Variants in SPATA22 observed in about 807,000 individuals in gnomAD.
The protein encoded by SPATA22 is spermatogenesis associated 22.
Under a neutral mutation model 47.8 loss-of-function variants are expected in SPATA22, and 29 were observed. That is an observed-to-expected ratio of 0.61 (90% confidence interval 0.45 to 0.83). The LOEUF is 0.83. SPATA22 is among the 40% of genes least tolerant of loss of function. The pLI, the probability that SPATA22 is intolerant of heterozygous loss-of-function variation, is 0.00. For synonymous variants in SPATA22, 133 were observed against 140.9 expected (o/e 0.94, Z 0.40); for missense variants, 410 against 421.7 (o/e 0.97, Z 0.24).
At chr17:3,495,275 C>T (rs764835808) in intron 1 of SPATA22, among the ~76,000 whole-genome samples, 2 of 152,134 alleles carry the variant, frequency 1.3e-5, no homozygotes, top group African/African-American at 2.4e-5. Flanking sequence ...CTTTCAACCC[C>T]GACTAACCTT....
In SPATA22 at chr17:3,490,280, C is replaced by G. The variant is rs1391162101; in HGVS notation, c.-73-20882G>C. Among the ~76,000 whole-genome samples the G allele has an allele frequency of 2.0e-5, 3 of 152,072 alleles. No homozygotes were observed. Among genetic ancestry groups the G allele is most frequent in the Admixed American group, 6.6e-5 (1 of 15,260 alleles). The stretch of plus-strand genomic sequence containing the variant: ...AATTAATTAAACGGGGACTGGTGGA[C>G]AAGGTGGGTATATGCAGCTCTATGC... On this transcript the variant is annotated intron_variant, in intron 1 of 8. Coordinates refer to the SPATA22 transcript ENST00000541913. This position sits in a 1 kb window ranked among gnomAD's most constrained non-coding sequence, Gnocchi z 4.6.
chr17:3,491,960 C>T, intron 1 of SPATA22, among the ~76,000 whole-genome samples: 1 of 146,690 alleles, frequency 6.8e-6, no homozygotes. Flanking sequence ...TCAATGGAGC[C>T]TCAAGTTCCT....
At chr17:3,447,334 C>T (rs927615588) in intron 6 of SPATA22, among the ~76,000 whole-genome samples, 16 of 151,990 alleles carry the variant, frequency 1.1e-4, no homozygotes, top group African/African-American at 3.4e-4. Flanking sequence ...GGCAAGGGGA[C>T]GCTTTCCTTT....
chr17:3,456,998 AC>A (rs1297199672), intron 5 of SPATA22, among the ~76,000 whole-genome samples: 4 of 151,854 alleles, frequency 2.6e-5, no homozygotes, highest in South Asian at 2.1e-4. Context: ...AAATTCAACA[AC>A]CCTTCATGCT....
rs745742726 is a variant in SPATA22, at chr17:3,481,621, T to G, written c.-73-12223A>C. The G allele has an allele frequency of 1.1e-5, 17 of 1,613,710 alleles. No individual in the cohort carries two copies. In the South Asian group the frequency reaches 1.9e-4, roughly 18 times the overall value. ...ATAACAGCAAAAAAATGTCAGAAGATTTGCCATATGAAGTGAGAAGGGCTC... is the reference window on the plus strand; with the variant it reads ...ATAACAGCAAAAAAATGTCAGAAGAGTTGCCATATGAAGTGAGAAGGGCTC... On this transcript the variant is annotated intron_variant, in intron 1 of 8. Coordinates refer to the SPATA22 transcript ENST00000541913.
intron 5 of SPATA22, among the ~76,000 whole-genome samples, chr17:3,449,995 G>C (rs996172): frequency 0.23 from 35,591 of 152,008 alleles, 4,444 homozygotes; most frequent in East Asian, 0.42. Context: ...TGGAACTACA[G>C]GTGAGTGCCA....
chr17:3,487,693 T>C (rs2073750373), intron 1 of SPATA22, among the ~76,000 whole-genome samples: 1 of 152,212 alleles, frequency 6.6e-6, no homozygotes, highest in South Asian at 2.1e-4. Context: ...ATTCCTTCAT[T>C]CTTAAATCAT....
rs547742645 is a variant in SPATA22 at position 3,476,830 on chromosome 17, G to A, written c.-73-7432C>T. 5.9e-5 allele frequency among the ~76,000 whole-genome samples: 9 copies of A among 152,292 alleles called. No individual in the cohort carries two copies. In the South Asian group the frequency reaches 1.9e-3, roughly 32 times the overall value. The stretch of plus-strand genomic sequence containing the variant: ...GCTTACGGTAATGCATAAAGTTCTA[G>A]TTCAAAAAATGTAATGTTTCAAGTA... On this transcript the variant is annotated intron_variant, in intron 1 of 8. Coordinates refer to the SPATA22 transcript ENST00000541913.
rs759738645 is a variant in SPATA22, at chr17:3,446,543, G to C, written c.731C>G (p.Ser244Cys). The change falls in exon 7 of 9, where the codon TCT becomes TGT. Residue 244 changes from serine to cysteine, a missense_variant. Coordinates refer to ENST00000572969, the MANE Select transcript of SPATA22 (RefSeq NM_001170698.2). ...ATACTTCATGCTTTCAATAACTGCA[G>C]AAATAATTCTTAAAGAACTAGCTTT... is the stretch of plus-strand genomic sequence containing the variant. Reference protein sequence around the residue: ...KEKASSLRIISAVIESMKYWR... With the variant: ...KEKASSLRIICAVIESMKYWR... 6.2e-7 allele frequency: 1 copy of C among 1,606,752 alleles called. No individual in the cohort carries two copies. The highest frequency in any genetic ancestry group is 1.1e-5 in the South Asian group (1 of 89,758).
intron 3 of SPATA22, 65 bp from the exon 4 acceptor site, chr17:3,462,832 A>G (rs2073159443): frequency 1.6e-6 from 2 of 1,260,846 alleles, no homozygotes; most frequent in Non-Finnish European, 2.3e-6. Flanking sequence ...TGATAAATTC[A>G]TACTTATTTA....
intron 1 of SPATA22, among the ~76,000 whole-genome samples, chr17:3,495,424 T>C (rs1168241498): frequency 2.6e-5 from 4 of 152,230 alleles, no homozygotes; most frequent in Admixed American, 2.6e-4. Flanking sequence ...GTGACTCTAA[T>C]AGTCATCCAG....
rs189747635 is a variant in SPATA22 at position 3,451,215 on chromosome 17, A to C, written c.330-2066T>G. On this transcript the variant is annotated intron_variant, in intron 5 of 8. Coordinates refer to ENST00000572969, the MANE Select transcript of SPATA22 (RefSeq NM_001170698.2). ...TTAAAAGTTGTTTCTAAAGACAAAG[A>C]AAGTCATTATATAATGATAAATGGG... 2.8e-4 allele frequency among the ~76,000 whole-genome samples: 42 copies of C among 152,350 alleles called. No homozygotes were observed. In the East Asian group the frequency reaches 7.5e-3, roughly 27 times the overall value.
chr17:3,476,347 G>T, upstream of SPATA22: 3 of 1,614,146 alleles, frequency 1.9e-6, no homozygotes, highest in Non-Finnish European at 2.5e-6. Flanking sequence ...AAGTGTACCA[G>T]ATATATTGAC....
chr17:3,450,184 G>GAAAT (rs1319691041), intron 5 of SPATA22, among the ~76,000 whole-genome samples: 2 of 151,984 alleles, frequency 1.3e-5, no homozygotes, highest in East Asian at 3.9e-4. Flanking sequence ...AATTTTCCTG[G>GAAAT]AAATACCACA....
chr17:3,452,604 A>G (rs1432102381), intron 5 of SPATA22, among the ~76,000 whole-genome samples: 1 of 152,158 alleles, frequency 6.6e-6, no homozygotes, highest in African/African-American at 2.4e-5. Context: ...AGAAAAAAAA[A>G]GAAAAACTAA....
chr17:3,471,821 G>A (rs1002420119), upstream of SPATA22: 2 of 985,390 alleles, frequency 2.0e-6, no homozygotes, highest in African/African-American at 3.5e-5. Context: ...GCGGGAATCA[G>A]GCTGTTCGCA....
At chr17:3,454,647 G>C (rs1292231418) in intron 5 of SPATA22, among the ~76,000 whole-genome samples, 1 of 151,988 alleles carries the variant, frequency 6.6e-6, no homozygotes, top group Admixed American at 6.6e-5. Flanking sequence ...TTTTATGGCT[G>C]CATAGTATTT....
intron 1 of SPATA22, among the ~76,000 whole-genome samples, chr17:3,510,290 T>G (rs1255688786): frequency 6.6e-6 from 1 of 152,176 alleles, no homozygotes; most frequent in African/African-American, 2.4e-5. Flanking sequence ...GTGGTTCGAA[T>G]TGACTACCTG....
intron 1 of SPATA22, among the ~76,000 whole-genome samples, chr17:3,492,551 T>C (rs541999515): frequency 6.6e-6 from 1 of 152,338 alleles, no homozygotes; most frequent in South Asian, 2.1e-4. Context: ...ACTTCTGGAA[T>C]AGCTGGCTTG....
Sources: allele counts gnomAD v4.1 joint callset (sites outside exome capture counted in the v4.1 genomes callset), GRCh38; gene constraint gnomAD v4.1.1; non-coding constraint Gnocchi (gnomAD v3.1); transcripts MANE v1.5; gene names NCBI Gene and HGNC (gene_info 2026-07-23, HGNC 2026-07-21).